Variants in SCART1 observed in about 807,000 individuals in gnomAD.
The protein encoded by SCART1 is scavenger receptor cysteine-rich domain-containing protein SCART1.
In SCART1, 62 loss-of-function variants were observed where a neutral mutation model predicts 36.2. The ratio of observed to expected loss-of-function variants is 1.71; its 90% CI spans 1.40 to 2.12. The LOEUF (loss-of-function observed/expected upper bound fraction) is 2.12, where lower values mean the gene tolerates loss of function less well. Among genes scored for constraint, SCART1 ranks in the 30% most tolerant of loss-of-function variants. The pLI, the probability that SCART1 is intolerant of heterozygous loss-of-function variation, is 0.00. For missense variants in SCART1, 1,041 were observed against 540.5 expected (o/e 1.93, Z -9.18); for synonymous variants, 487 against 238.7 (o/e 2.04, Z -9.59).
At chr10:133,459,713 G>C (rs1206939859) in exon 6 of SCART1, 1 of 700,216 alleles carries the variant, frequency 1.4e-6, no homozygotes, top group Non-Finnish European at 2.6e-6. Flanking sequence ...TGCGCTGTCT[G>C]GGCACCGAAA....
intron 2 of SCART1, 79 bp downstream of exon 2, chr10:133,456,633 A>G (rs559798242): frequency 7.6e-5 from 45 of 588,486 alleles, no homozygotes; most frequent in African/African-American, 2.1e-4. Flanking sequence ...GGGAGGACGC[A>G]GAGGAGGACT....
exon 2 of SCART1, chr10:133,456,406 G>C (rs1268384834): frequency 1.4e-6 from 1 of 702,776 alleles, no homozygotes; most frequent in Admixed American, 2.0e-5. Flanking sequence ...GCGCCCCCAA[G>C]TATGTCCCGC....
chr10:133,457,265 C>G lies in SCART1; in HGVS notation c.386-14C>G, dbSNP rs1355812524. The G allele has an allele frequency of 1.4e-6, 1 of 700,426 alleles. No homozygotes were observed. The highest frequency in any genetic ancestry group is 1.7e-5 in the African/African-American group (1 of 57,296). The allele number at this position is 700,426 out of a possible 1,614,324, so 43.4% of individuals were successfully genotyped here. A position where few individuals can be genotyped will look rare whatever the true frequency, so the allele number is the denominator to read the frequency against. On this transcript the variant is annotated splice_polypyrimidine_tract_variant and intron_variant, in intron 2 of 11. Transcript: ENST00000640237. ...GGGTCCATACCTTAAGGAGGACCGG[C>G]CTGTGCTCCACAGACGGCACTTTCC... is the stretch of plus-strand genomic sequence containing the variant.
At chr10:133,464,472 T>G (rs910081498) in intron 6 of SCART1, 134 bp from the exon 7 acceptor site, 4 of 589,040 alleles carry the variant, frequency 6.8e-6, no homozygotes, top group African/African-American at 5.6e-5. Flanking sequence ...TAGTTTAAAT[T>G]TTCTGAAGAA....
chr10:133,454,626 G>T (rs1850585592), intron 1 of SCART1, among the ~76,000 whole-genome samples: 1 of 152,128 alleles, frequency 6.6e-6, no homozygotes, highest in Non-Finnish European at 1.5e-5. Context: ...GAGCCCCGGG[G>T]ACCTGCGTAC....
rs905614189 is a variant in SCART1 at position 133,465,929 on chromosome 10, C to T, written c.2660-306C>T. On this transcript the variant is annotated intron_variant, in intron 9 of 11. Coordinates refer to ENST00000640237, the Ensembl canonical transcript of SCART1. ...TTAGCAAAAGCAGCAGCAGTGGTAA[C>T]TTTCCCTGAGCCACTCCCATTCTCT... 1.8e-5 allele frequency: 12 copies of T among 672,562 alleles called. No homozygotes were observed. The African/African-American group carries it at 2.1e-4, about 12-fold the overall frequency. The allele number at this position is 672,562 out of a possible 1,614,324, so 41.7% of individuals were successfully genotyped here.
exon 4 of SCART1, chr10:133,458,534 G>T (rs1279066412): frequency 1.5e-6 from 1 of 675,998 alleles, no homozygotes. Flanking sequence ...TTCGGCCGGG[G>T]CTCGGGGCCG....
intron 6 of SCART1, among the ~76,000 whole-genome samples, chr10:133,463,334 C>T (rs1444989890): frequency 6.6e-6 from 1 of 152,090 alleles, no homozygotes; most frequent in Non-Finnish European, 1.5e-5. Context: ...ATCTACTTTC[C>T]TAGCAAACTT....
intron 6 of SCART1, among the ~76,000 whole-genome samples, 165 bp downstream of exon 6, chr10:133,460,335 C>T (rs1223273210): frequency 1.3e-5 from 2 of 151,846 alleles, no homozygotes; most frequent in Admixed American, 1.3e-4. Context: ...TAAGTGCTAC[C>T]GGACAAAGTA....
At chr10:133,466,191 G>C (rs118036728) in intron 9 of SCART1, 44 bp from the exon 10 acceptor site, 1 of 691,652 alleles carries the variant, frequency 1.4e-6, no homozygotes, top group Non-Finnish European at 2.6e-6. Context: ...GGGTGTGCAG[G>C]TCCCCCCCAC....
chr10:133,469,751 A>T (rs1362181469), downstream of SCART1, among the ~76,000 whole-genome samples: 4 of 152,204 alleles, frequency 2.6e-5, no homozygotes, highest in Non-Finnish European at 4.4e-5. Flanking sequence ...ATTTAAAAAA[A>T]TTTGCAAGAG....
chr10:133,461,651 G>A (rs1004044291), intron 6 of SCART1, among the ~76,000 whole-genome samples: 1 of 151,914 alleles, frequency 6.6e-6, no homozygotes, highest in South Asian at 2.1e-4. Flanking sequence ...GTATTATTTC[G>A]CCCTCCTCAC....
exon 6 of SCART1, chr10:133,459,997 G>C: frequency 1.9e-6 from 1 of 539,522 alleles, no homozygotes; most frequent in East Asian, 3.3e-5. Context: ...CAGCTGGGCT[G>C]TGGCCGCGCC....
Position 133,465,093 on chromosome 10 carries a change from G to C in SCART1, c.2276-13G>C, listed in dbSNP as rs1850747554. 2.8e-6 allele frequency: 2 copies of C among 702,926 alleles called. No homozygotes were observed. Among genetic ancestry groups the C allele is most frequent in the African/African-American group, 1.7e-5 (1 of 57,260 alleles). The allele number at this position is 702,926 out of a possible 1,614,324, so 43.5% of individuals were successfully genotyped here. A position where few individuals can be genotyped will look rare whatever the true frequency, so the allele number is the denominator to read the frequency against. On this transcript the variant is annotated splice_polypyrimidine_tract_variant and intron_variant, in intron 7 of 11. Transcript: ENST00000640237. ...GGGCACCGAAGCTCTCAGAGCTGCT[G>C]TTTAACCCGCAGGATTGTCAGAGGA...
chr10:133,465,774 G>A, intron 9 of SCART1: 1 of 677,720 alleles, frequency 1.5e-6, no homozygotes, highest in Non-Finnish European at 2.7e-6. Flanking sequence ...AATCTTTTTT[G>A]GGAATTCCCT....
At chr10:133,454,383 C>T (rs537664347) in intron 1 of SCART1, among the ~76,000 whole-genome samples, 24 of 151,938 alleles carry the variant, frequency 1.6e-4, no homozygotes, top group East Asian at 3.9e-4. Flanking sequence ...AGGGGTCCTG[C>T]GGGGGCTGCT....
At chr10:133,458,120 G>C (rs1196326783) in intron 3 of SCART1, 24 of 687,510 alleles carry the variant, frequency 3.5e-5, no homozygotes, top group Non-Finnish European at 6.3e-5. Context: ...TGTGAAATAC[G>C]TGAGCACCTG....
intron 2 of SCART1, 166 bp from the exon 3 acceptor site, chr10:133,457,113 C>A: frequency 1.7e-6 from 1 of 602,338 alleles, no homozygotes; most frequent in Non-Finnish European, 2.9e-6. Flanking sequence ...TGAAGCTGGG[C>A]ACAGGGGTCT....
At chr10:133,456,961 A>G (rs1049698497) in intron 2 of SCART1, 4 of 507,254 alleles carry the variant, frequency 7.9e-6, no homozygotes, top group African/African-American at 2.0e-5. Context: ...GCTGTCCCTC[A>G]CATTTTATGT....
Sources: gnomAD v4.1 joint callset for allele counts (sites outside exome capture counted in the v4.1 genomes callset) on GRCh38, gnomAD v4.1.1 for gene constraint, MANE v1.5 for transcripts, NCBI Gene and HGNC (gene_info 2026-07-23, HGNC 2026-07-21) for gene names.